The following EXTL3 variants were observed in gnomAD, a reference collection of about 807,000 sequenced individuals.
The protein encoded by EXTL3 is exostosin like glycosyltransferase 3.
Under a neutral mutation model 69.3 loss-of-function variants are expected in EXTL3, and 27 were observed. That is an observed-to-expected ratio of 0.39 (90% CI 0.29 to 0.54). The LOEUF (loss-of-function observed/expected upper bound fraction) is 0.54. EXTL3 is among the 20% of genes least tolerant of loss of function. The probability of loss-of-function intolerance (pLI) is 0.69; values close to 1 mark genes in which losing one functional copy is unlikely to be tolerated. For synonymous variants in EXTL3, 511 were observed against 499.4 expected (o/e 1.02, Z -0.31); for missense variants, 1,003 against 1,231.8 (o/e 0.81, Z 2.78).
rs1801994275 is a variant in EXTL3 at position 28,751,121 on chromosome 8, C to T, written c.*255C>T. 1 of 530,002 alleles carries T rather than the reference C, an allele frequency of 1.9e-6. No individual in the cohort carries two copies. The highest frequency in any genetic ancestry group is 3.4e-6 in the Non-Finnish European group (1 of 292,316). The allele number at this position is 530,002 out of a possible 1,614,324, so 32.8% of individuals were successfully genotyped here. On this transcript the variant is annotated 3_prime_UTR_variant, in exon 7 of 7. Coordinates refer to ENST00000220562, the MANE Select transcript of EXTL3 (RefSeq NM_001440.4). ...TGATAGCTTACACTGAGGACTGTGG[C>T]GACTCTGCAGAGTCACTCACACCGT...
intron 6 of EXTL3, among the ~76,000 whole-genome samples, chr8:28,748,329 G>A (rs118113529): frequency 2.7e-5 from 4 of 150,712 alleles, no homozygotes; most frequent in Non-Finnish European, 5.9e-5. Context: ...CGAGATCACC[G>A]CACTGCACTC....
At chr8:28,709,652 C>T (rs1800993332) in intron 1 of EXTL3, among the ~76,000 whole-genome samples, 1 of 152,164 alleles carries the variant, frequency 6.6e-6, no homozygotes, top group South Asian at 2.1e-4. Flanking sequence ...TATCCCAGAT[C>T]CGCAATGGGA....
intron 1 of EXTL3, among the ~76,000 whole-genome samples, chr8:28,694,594 G>C (rs1800658922): frequency 6.6e-6 from 1 of 152,172 alleles, no homozygotes; most frequent in Admixed American, 6.5e-5. Context: ...AGGCAAATTA[G>C]TTAACCTCCC....
upstream of EXTL3, among the ~76,000 whole-genome samples, chr8:28,618,860 G>A (rs1170313860): frequency 1.3e-5 from 2 of 151,696 alleles, no homozygotes; most frequent in African/African-American, 2.4e-5. Flanking sequence ...TGAGGCTGGT[G>A]GATCACGAGG....
At chr8:28,643,057 A>G (rs1296463347) in intron 1 of EXTL3, among the ~76,000 whole-genome samples, 1 of 152,144 alleles carries the variant, frequency 6.6e-6, no homozygotes, top group Non-Finnish European at 1.5e-5. Flanking sequence ...CATCCTGGCC[A>G]ACATGGTGAA....
Position 28,660,780 on chromosome 8 carries a change from G to A in EXTL3, c.-53+37970G>A, listed in dbSNP as rs537015821. On this transcript the variant is annotated intron_variant, in intron 1 of 6. Transcript: ENST00000523149. ...TATTCTGTGTGCCTCACATAGGCAC[G>A]TACAATATTACTTACTTATCCCATG... 3.5e-5 allele frequency among the ~76,000 whole-genome samples: 5 copies of A among 140,920 alleles called. No individual in the cohort carries two copies. The East Asian group carries it at 8.8e-4, about 25-fold the overall frequency. The allele number at this position is 140,920 out of a possible 152,430, so 92.4% of individuals were successfully genotyped here. A position where few individuals can be genotyped will look rare whatever the true frequency, so the allele number is the denominator to read the frequency against.
intron 2 of EXTL3, among the ~76,000 whole-genome samples, chr8:28,607,910 A>G (rs1391854178): frequency 1.3e-5 from 2 of 151,180 alleles, no homozygotes; most frequent in South Asian, 2.1e-4. Flanking sequence ...CAGGAGATCG[A>G]GACCATCCTG....
rs1260194691 is a variant in EXTL3 at position 28,718,031 on chromosome 8, G to A, written c.1972G>A (p.Val658Ile). ...ATTTCAGGCAGCGCTTGGAGGCAATGTTCCCCGAGAGCAGTTCACGGTGGT... is the reference window on the plus strand; with the variant it reads ...ATTTCAGGCAGCGCTTGGAGGCAATATTCCCCGAGAGCAGTTCACGGTGGT... Reference protein sequence around the residue: ...KEFQAALGGNVPREQFTVVML... With the variant: ...KEFQAALGGNIPREQFTVVML... The change falls in exon 3 of 7, where the codon GTT becomes ATT. Residue 658 changes from valine (V) to isoleucine (I), a missense_variant. Coordinates refer to ENST00000220562, the MANE Select transcript of EXTL3 (RefSeq NM_001440.4). The A allele has an allele frequency of 6.2e-7, 1 of 1,613,932 alleles. No homozygotes were observed. The highest frequency in any genetic ancestry group is 1.3e-5 in the African/African-American group (1 of 74,872).
chr8:28,676,977 A>G (rs984145806), intron 1 of EXTL3, among the ~76,000 whole-genome samples: 3 of 152,150 alleles, frequency 2.0e-5, no homozygotes, highest in Non-Finnish European at 4.4e-5. Context: ...TAGCACTGGA[A>G]TAGGCTCGTC....
At chr8:28,701,814 A>G (rs1800805766) in intron 1 of EXTL3, among the ~76,000 whole-genome samples, 155 bp downstream of exon 1, 1 of 151,704 alleles carries the variant, frequency 6.6e-6, no homozygotes. Flanking sequence ...CGGCGGCGGG[A>G]GGCATGCAGC....
At chr8:28,734,693 G>A (rs1801609277) in intron 4 of EXTL3, among the ~76,000 whole-genome samples, 1 of 151,870 alleles carries the variant, frequency 6.6e-6, no homozygotes, top group South Asian at 2.1e-4. Context: ...GGGCAACAGA[G>A]CTAAAACAAA....
At chr8:28,619,845 CTTTTTTTTTTTTTTTTTTTTTTTTTTT>C (rs56276866), upstream of EXTL3, among the ~76,000 whole-genome samples, 19 of 50,854 alleles carry the variant, frequency 3.7e-4, no homozygotes, top group Admixed American at 1.3e-3. Context: ...GCTTCTGGTT[CTTTTTTTTTTTTTTTTTTTTTTTTTTT>C]TTTTTTTTTT....
At chr8:28,704,455 A>T (rs1297452417) in intron 1 of EXTL3, among the ~76,000 whole-genome samples, 1 of 152,016 alleles carries the variant, frequency 6.6e-6, no homozygotes, top group Non-Finnish European at 1.5e-5. Flanking sequence ...TTAGAGTGCC[A>T]CCCCTCACAC....
chr8:28,666,824 C>A (rs1239061530), intron 1 of EXTL3, among the ~76,000 whole-genome samples: 2 of 152,210 alleles, frequency 1.3e-5, no homozygotes, highest in Non-Finnish European at 2.9e-5. Context: ...ATCTGCCTGC[C>A]TCGGCCTCTC....
rs530058065 is a variant in EXTL3, at chr8:28,688,173, T to C, written c.-52-25284T>C. Among the ~76,000 whole-genome samples, 4 of 151,846 alleles carry C rather than the reference T, an allele frequency of 2.6e-5. No individual in the cohort carries two copies. The East Asian group carries it at 5.8e-4, about 22-fold the overall frequency. On this transcript the variant is annotated intron_variant, in intron 1 of 6. Coordinates refer to the EXTL3 transcript ENST00000523149. Reference sequence around the variant, plus strand: ...GCCTCCCAGGTTCAAGCAATTCTCCTGTCTCAGCCTCCCAAGTAGCTGGGA... The same window carrying C: ...GCCTCCCAGGTTCAAGCAATTCTCCCGTCTCAGCCTCCCAAGTAGCTGGGA...
intron 6 of EXTL3, among the ~76,000 whole-genome samples, chr8:28,748,502 A>G (rs1801935965): frequency 6.6e-6 from 1 of 152,186 alleles, no homozygotes; most frequent in African/African-American, 2.4e-5. Flanking sequence ...AGGTAAGAGA[A>G]TTGCCAGAAA....
rs141374738 is a variant in EXTL3 at position 28,679,566 on chromosome 8, T to C, written c.-52-33891T>C. On this transcript the variant is annotated intron_variant, in intron 1 of 6. Transcript: ENST00000523149. ...CAGCCTGGGCAACACAGGGAGACCC[T>C]GTTTCTACAAAAAACTAAACATAGC... is the stretch of plus-strand genomic sequence containing the variant. Among the ~76,000 whole-genome samples the C allele has an allele frequency of 6.0e-3, 914 of 152,128 alleles. 13 individuals are homozygous for C. The highest frequency in any genetic ancestry group is 0.021 in the African/African-American group (853 of 41,510).
At chr8:28,719,258 T>C (rs1801239900) in intron 3 of EXTL3, among the ~76,000 whole-genome samples, 1 of 152,236 alleles carries the variant, frequency 6.6e-6, no homozygotes, top group African/African-American at 2.4e-5. Flanking sequence ...TCGTGATCTT[T>C]GATAATTAGC....
intron 2 of EXTL3, among the ~76,000 whole-genome samples, chr8:28,715,142 G>A (rs1392494034): frequency 6.6e-6 from 1 of 151,990 alleles, no homozygotes; most frequent in Admixed American, 6.5e-5. Flanking sequence ...GTCTTTTTTT[G>A]TAAAGTATTT....
Sources: allele counts gnomAD v4.1 joint callset (sites outside exome capture counted in the v4.1 genomes callset), GRCh38; gene constraint gnomAD v4.1.1; transcripts MANE v1.5; gene names NCBI Gene and HGNC (gene_info 2026-07-23, HGNC 2026-07-21).